COL5A2: variants seen among roughly 807,000 people sequenced by gnomAD.
COL5A2 encodes the protein collagen type V alpha 2 chain.
COL5A2 carries 23 observed loss-of-function variants against 208.2 expected under a neutral mutation model. The ratio of observed to expected loss-of-function variants is 0.11; its 90% CI spans 0.08 to 0.16. The LOEUF is 0.16. Ranked by LOEUF, COL5A2 falls within the 10% of genes least tolerant of loss-of-function variation. The pLI, the probability that COL5A2 is intolerant of heterozygous loss-of-function variation, is 1.00. For synonymous variants in COL5A2, 625 were observed against 628.5 expected (o/e 0.99, Z 0.08); for missense variants, 1,590 against 1,956.4 (o/e 0.81, Z 3.53).
the COL5A2 span, among the ~76,000 whole-genome samples, chr2:189,269,614 T>C: frequency 2.0e-5 from 3 of 152,166 alleles, no homozygotes; most frequent in Admixed American, 2.0e-4. Context: ...ATAAGCTTTT[T>C]GATGTGTTGA....
chr2:189,328,185 A>G, the COL5A2 span, among the ~76,000 whole-genome samples: 1 of 152,328 alleles, frequency 6.6e-6, no homozygotes, highest in African/African-American at 2.4e-5. Flanking sequence ...AGTGCTTATC[A>G]TGTTTCACTT....
At chr2:189,211,956 T>C (rs79802247) in intron 1 of COL5A2, among the ~76,000 whole-genome samples, 2 of 152,234 alleles carry the variant, frequency 1.3e-5, no homozygotes, top group Non-Finnish European at 2.9e-5. Context: ...GAAAGTGCAT[T>C]TGATGGACTT....
At chr2:189,434,842 G>T in the COL5A2 span, among the ~76,000 whole-genome samples, 1 of 152,008 alleles carries the variant, frequency 6.6e-6, no homozygotes, top group Non-Finnish European at 1.5e-5. Flanking sequence ...AGTTCATATG[G>T]AACCAAAAAA....
chr2:189,372,020 T>G, the COL5A2 span, among the ~76,000 whole-genome samples: 1 of 152,162 alleles, frequency 6.6e-6, no homozygotes, highest in African/African-American at 2.4e-5. Context: ...TAAAGAATGT[T>G]TTCAGGGGCC....
chr2:189,312,786 C>T, the COL5A2 span, among the ~76,000 whole-genome samples: 1 of 151,574 alleles, frequency 6.6e-6, no homozygotes, highest in East Asian at 1.9e-4. Context: ...CGTCTAGGTA[C>T]TGGAAAATCT....
chr2:189,092,434 C>A lies in COL5A2; in HGVS notation c.457-14G>T. 1 of 1,542,602 alleles carries A rather than the reference C, an allele frequency of 6.5e-7. No homozygotes were observed. Among genetic ancestry groups the A allele is most frequent in the Non-Finnish European group, 8.9e-7 (1 of 1,128,982 alleles). ...TCCACGAGGGCCCTGGAAAACAAGCCAGTTAAAATTAGAACCCACTGCCAA... is the reference window on the plus strand; with the variant it reads ...TCCACGAGGGCCCTGGAAAACAAGCAAGTTAAAATTAGAACCCACTGCCAA... On this transcript the variant is annotated splice_polypyrimidine_tract_variant and intron_variant, in intron 6 of 53. Coordinates refer to ENST00000374866, the MANE Select transcript of COL5A2 (RefSeq NM_000393.5).
At chr2:189,079,472 T>TA (rs887835110) in intron 14 of COL5A2, among the ~76,000 whole-genome samples, 8 of 152,012 alleles carry the variant, frequency 5.3e-5, no homozygotes, top group African/African-American at 1.4e-4. Context: ...GACTTAGAAA[T>TA]AAAAAAAATT....
chr2:189,131,194 T>C (rs1334392052), intron 1 of COL5A2, among the ~76,000 whole-genome samples: 2 of 152,130 alleles, frequency 1.3e-5, no homozygotes, highest in African/African-American at 4.8e-5. Flanking sequence ...ACGATTCTTA[T>C]TGGAATAAAT....
At chr2:189,048,157 G>C (rs958977679) in intron 45 of COL5A2, 52 bp downstream of exon 45, 4 of 1,537,506 alleles carry the variant, frequency 2.6e-6, no homozygotes, top group Middle Eastern at 1.7e-4. Context: ...AAATTAAAAA[G>C]ATTTCAGATT....
At chr2:189,117,682 T>C (rs541540321) in intron 1 of COL5A2, among the ~76,000 whole-genome samples, 16 of 152,182 alleles carry the variant, frequency 1.1e-4, no homozygotes, top group African/African-American at 3.6e-4. Context: ...AAATTGCACA[T>C]GACTACACAC....
chr2:189,154,752 G>A (rs537313507), intron 1 of COL5A2, among the ~76,000 whole-genome samples: 4 of 152,046 alleles, frequency 2.6e-5, no homozygotes, highest in South Asian at 2.1e-4. Flanking sequence ...GTGAGCCACC[G>A]TGCTGTCCAA....
intron 1 of COL5A2, among the ~76,000 whole-genome samples, chr2:189,121,662 G>T (rs560665885): frequency 2.3e-4 from 34 of 149,714 alleles, no homozygotes; most frequent in African/African-American, 8.2e-4. Context: ...GCATGAACCT[G>T]GGAGGCAGAG....
intron 17 of COL5A2, 60 bp downstream of exon 17, chr2:189,075,333 G>C (rs1686381389): frequency 8.0e-7 from 1 of 1,249,232 alleles, no homozygotes. Flanking sequence ...GTTTTTGAAT[G>C]TACAAATGGA....
the COL5A2 span, among the ~76,000 whole-genome samples, chr2:189,327,606 TTGA>T: frequency 6.6e-6 from 1 of 152,148 alleles, no homozygotes; most frequent in Non-Finnish European, 1.5e-5. Flanking sequence ...ATAATCAAAT[TTGA>T]TGATGAATCA....
intron 16 of COL5A2, among the ~76,000 whole-genome samples, chr2:189,075,712 CT>C (rs987018930): frequency 2.6e-5 from 4 of 152,106 alleles, no homozygotes; most frequent in African/African-American, 9.7e-5. Context: ...AATGTATCAT[CT>C]TCTAACATAT....
intron 50 of COL5A2, among the ~76,000 whole-genome samples, chr2:189,040,993 C>G (rs1685548842): frequency 6.6e-6 from 1 of 152,044 alleles, no homozygotes; most frequent in African/African-American, 2.4e-5. Context: ...GAAGAAACAC[C>G]AGAGAGAGAA....
In COL5A2 at chr2:189,061,502, TA is replaced by T. The variant is rs369656754; in HGVS notation, c.2031+59del. On this transcript the variant is annotated intron_variant, in intron 30 of 53. Transcript: ENST00000374866. Reference sequence around the variant, plus strand: ...AATCTTCTGACCATATCTTTTTTTTTAAAAAAAAAAAGCATTTTAGTTAATG... The same window carrying T: ...AATCTTCTGACCATATCTTTTTTTTTAAAAAAAAAAGCATTTTAGTTAATG... The T allele has an allele frequency of 0.063, 57,500 of 907,216 alleles. 500 individuals are homozygous for T. Among genetic ancestry groups the T allele is most frequent in the African/African-American group, 0.12 (7,097 of 57,444 alleles). The allele number at this position is 907,216 out of a possible 1,614,324, so 56.2% of individuals were successfully genotyped here. A position where few individuals can be genotyped will look rare whatever the true frequency, so the allele number is the denominator to read the frequency against.
the COL5A2 span, among the ~76,000 whole-genome samples, chr2:189,241,753 A>T: frequency 1.3e-5 from 2 of 152,226 alleles, no homozygotes; most frequent in Non-Finnish European, 2.9e-5. Flanking sequence ...TTGTCCTATG[A>T]CTAAAGGTTA....
the COL5A2 span, among the ~76,000 whole-genome samples, chr2:189,391,292 A>G: frequency 1.8e-4 from 28 of 152,132 alleles, no homozygotes; most frequent in African/African-American, 6.8e-4. Flanking sequence ...GATATGTTAT[A>G]TAGGGAATTC....
Sources: gnomAD v4.1 joint callset for allele counts (sites outside exome capture counted in the v4.1 genomes callset) on GRCh38, gnomAD v4.1.1 for gene constraint, MANE v1.5 for transcripts, NCBI Gene and HGNC (gene_info 2026-07-23, HGNC 2026-07-21) for gene names.